The following ZNF599 variants were observed in gnomAD, a reference collection of about 807,000 sequenced individuals.
The protein encoded by ZNF599 is zinc finger protein 599.
Under a neutral mutation model 11.7 loss-of-function variants are expected in ZNF599, and 10 were observed. The observed-to-expected ratio is 0.86, with a 90% CI of 0.53 to 1.45. The LOEUF (loss-of-function observed/expected upper bound fraction) is 1.45, where lower values mean the gene tolerates loss of function less well. Among genes scored for constraint, ZNF599 ranks in the 40% most tolerant of loss-of-function variants. ZNF599 has a pLI of 0.00. For missense variants in ZNF599, 688 were observed against 713.6 expected, an observed-to-expected ratio of 0.96 and a Z score of 0.41; for synonymous variants, 232 against 253.2, an observed-to-expected ratio of 0.92 and a Z score of 0.79.
chr19:34,759,074 G>C lies in ZNF599; in HGVS notation c.1727C>G (p.Ser576Ter), dbSNP rs755265323. 23 of 1,613,610 alleles carry C rather than the reference G, an allele frequency of 1.4e-5. No homozygotes were observed. The highest frequency in any genetic ancestry group is 1.8e-5 in the Non-Finnish European group (21 of 1,179,574). ...NECGKTFSHS[S>*]SFTHHRKIHT... The stretch of plus-strand genomic sequence containing the variant: ...AATCTTTCGATGGTGAGTGAACGAT[G>C]AACTGTGGCTGAAGGTCTTTCCACA... Residue 576 changes from serine (S) to a stop codon, truncating the protein, a stop_gained, in exon 4 of 4, where the codon TCA becomes TGA. Coordinates refer to ENST00000329285, the MANE Select transcript of ZNF599 (RefSeq NM_001007248.3). LOFTEE classifies it high-confidence loss of function.
At chr19:34,787,331 TG>T in the ZNF599 span, among the ~76,000 whole-genome samples, 2 of 152,166 alleles carry the variant, frequency 1.3e-5, no homozygotes, top group African/African-American at 4.8e-5. Flanking sequence ...CTGGGTCATT[TG>T]GGATATCTGT....
chr19:34,785,613 T>A, the ZNF599 span, among the ~76,000 whole-genome samples: 36,513 of 152,044 alleles, frequency 0.24, 5,545 homozygotes, highest in Non-Finnish European at 0.33. Context: ...GCCAAGAACT[T>A]GAGAGTGGAG....
the ZNF599 span, among the ~76,000 whole-genome samples, chr19:34,793,375 G>A: frequency 6.6e-6 from 1 of 152,128 alleles, no homozygotes; most frequent in South Asian, 2.1e-4. Flanking sequence ...CCTGGAACAG[G>A]GCCTGGCATA....
the ZNF599 span, among the ~76,000 whole-genome samples, chr19:34,778,247 G>C: frequency 6.6e-6 from 1 of 151,834 alleles, no homozygotes; most frequent in South Asian, 2.1e-4. Context: ...CAAATCATGG[G>C]TCTTAGTTTC....
chr19:34,763,668 A>G (rs1165162670), intron 3 of ZNF599: 1 of 152,248 alleles, frequency 6.6e-6, no homozygotes, highest in Non-Finnish European at 1.5e-5. Context: ...CGCAGTCTAT[A>G]GTATTTTATT....
At chr19:34,781,139 G>A in the ZNF599 span, among the ~76,000 whole-genome samples, 17 of 150,554 alleles carry the variant, frequency 1.1e-4, no homozygotes, top group Non-Finnish European at 2.4e-4. Context: ...CTGGGTGATA[G>A]AGCGAGACTC....
chr19:34,780,675 A>C, the ZNF599 span, among the ~76,000 whole-genome samples: 1 of 120,494 alleles, frequency 8.3e-6, no homozygotes, highest in African/African-American at 3.1e-5. Context: ...GAAGGAAGGA[A>C]GGGGGAGGGA....
At chr19:34,768,855 T>C (rs1465242972) in intron 2 of ZNF599, among the ~76,000 whole-genome samples, 4 of 152,214 alleles carry the variant, frequency 2.6e-5, no homozygotes, top group Non-Finnish European at 5.9e-5. Flanking sequence ...CTTTCTCAGA[T>C]AGCATACATC....
intron 3 of ZNF599, among the ~76,000 whole-genome samples, chr19:34,761,939 A>C (rs1389276948): frequency 6.6e-6 from 1 of 152,188 alleles, no homozygotes; most frequent in Admixed American, 6.5e-5. Context: ...TATAATAAAC[A>C]AAAAAGCAAA....
chr19:34,797,879 G>T, the ZNF599 span, among the ~76,000 whole-genome samples: 1 of 152,198 alleles, frequency 6.6e-6, no homozygotes. Context: ...ACCCTAAAGA[G>T]ACCTAGAAGA....
chr19:34,770,082 T>G (rs1000508215), intron 1 of ZNF599, among the ~76,000 whole-genome samples: 5 of 152,220 alleles, frequency 3.3e-5, no homozygotes, highest in African/African-American at 9.6e-5. Context: ...TAGTTCCCAC[T>G]TCACCGAACT....
the ZNF599 span, among the ~76,000 whole-genome samples, chr19:34,805,656 TCA>T: frequency 1.5e-3 from 225 of 152,248 alleles, 3 homozygotes; most frequent in East Asian, 0.038. Context: ...GCCTCCTCCC[TCA>T]CTCTCAAAAT....
At chr19:34,767,584 C>G (rs1351565774) in intron 2 of ZNF599, among the ~76,000 whole-genome samples, 173 bp from the exon 3 acceptor site, 9 of 152,176 alleles carry the variant, frequency 5.9e-5, no homozygotes, top group African/African-American at 1.9e-4. Flanking sequence ...ATTCAACCAC[C>G]CTGTGCATCA....
intron 3 of ZNF599, among the ~76,000 whole-genome samples, chr19:34,765,851 T>C (rs952406226): frequency 1.2e-4 from 18 of 152,256 alleles, no homozygotes; most frequent in African/African-American, 4.3e-4. Flanking sequence ...AGGAATCTGG[T>C]AGCATTATGC....
At chr19:34,783,881 C>T in the ZNF599 span, among the ~76,000 whole-genome samples, 1 of 152,120 alleles carries the variant, frequency 6.6e-6, no homozygotes, top group Non-Finnish European at 1.5e-5. Context: ...ACCTGTGAAG[C>T]CCCAATTGCC....
chr19:34,781,767 G>C, the ZNF599 span, among the ~76,000 whole-genome samples: 1 of 152,126 alleles, frequency 6.6e-6, no homozygotes, highest in Admixed American at 6.5e-5. Flanking sequence ...GGTGTGTCCA[G>C]GCCCAAGAAA....
the ZNF599 span, among the ~76,000 whole-genome samples, chr19:34,784,260 A>G: frequency 1.3e-5 from 2 of 151,830 alleles, no homozygotes; most frequent in African/African-American, 2.4e-5. Context: ...GGGTGTCTTT[A>G]TGTCATCTTC....
chr19:34,773,639 C>T (rs114787177), upstream of ZNF599, among the ~76,000 whole-genome samples: 1,973 of 152,226 alleles, frequency 0.013, 27 homozygotes, highest in African/African-American at 0.046. Flanking sequence ...ATGACATCAG[C>T]ATTACCTGCG....
upstream of ZNF599, among the ~76,000 whole-genome samples, chr19:34,773,949 T>G (rs1177270524): frequency 1.3e-5 from 2 of 152,222 alleles, no homozygotes; most frequent in Non-Finnish European, 2.9e-5. Flanking sequence ...GGGGAGGGTC[T>G]GAGATACTTC....
Sources: allele counts gnomAD v4.1 joint callset (sites outside exome capture counted in the v4.1 genomes callset), GRCh38; gene constraint gnomAD v4.1.1; transcripts MANE v1.5; gene names NCBI Gene and HGNC (gene_info 2026-07-23, HGNC 2026-07-21).